Variants in ERC2 observed in about 807,000 individuals in gnomAD.
ERC2 encodes ELKS/RAB6-interacting/CAST family member 2, also known as ERC protein 2.
A neutral mutation model predicts 114.8 loss-of-function variants in ERC2; 42 were observed. That is an observed-to-expected ratio of 0.37 (90% CI 0.29 to 0.47). The LOEUF (loss-of-function observed/expected upper bound fraction) is 0.47. ERC2 is among the 20% of genes least tolerant of loss of function. The pLI is 0.99. For synonymous variants in ERC2, 454 were observed against 425.5 expected (o/e 1.07, Z -0.82); for missense variants, 939 against 1,150.7 (o/e 0.82, Z 2.66).
intron 7 of ERC2, among the ~76,000 whole-genome samples, chr3:56,052,137 T>C (rs1293530677): frequency 6.6e-6 from 1 of 152,138 alleles, no homozygotes; most frequent in Non-Finnish European, 1.5e-5. Context: ...TCCCAGCATG[T>C]CTCCAACCAA....
At chr3:56,441,988 C>A (rs955354685) in intron 1 of ERC2, among the ~76,000 whole-genome samples, 17 of 152,308 alleles carry the variant, frequency 1.1e-4, no homozygotes, top group Admixed American at 9.8e-4. Flanking sequence ...GCCTGGGCAA[C>A]AAAGTGAGAA....
At chr3:55,786,621 C>A (rs1230878367) in intron 14 of ERC2, among the ~76,000 whole-genome samples, 1 of 152,154 alleles carries the variant, frequency 6.6e-6, no homozygotes, top group African/African-American at 2.4e-5. Context: ...CTATTATTAT[C>A]CCCATTTAAC....
chr3:55,524,209 A>G (rs968578328), intron 17 of ERC2, among the ~76,000 whole-genome samples: 5 of 152,234 alleles, frequency 3.3e-5, no homozygotes, highest in Non-Finnish European at 7.4e-5. Flanking sequence ...AGAGCTGGGC[A>G]ATAGGACCAG....
intron 17 of ERC2, among the ~76,000 whole-genome samples, chr3:55,554,783 T>C (rs2055481396): frequency 6.6e-6 from 1 of 151,860 alleles, no homozygotes; most frequent in Admixed American, 6.6e-5. Context: ...GAGTTAGGGC[T>C]CAGCCTAGGG....
intron 3 of ERC2, among the ~76,000 whole-genome samples, chr3:56,269,609 G>A (rs191282714): frequency 9.2e-5 from 14 of 152,202 alleles, no homozygotes; most frequent in Admixed American, 3.9e-4. Flanking sequence ...CACCAAAAGT[G>A]GACATTAAAA....
In ERC2 at chr3:55,958,646, G is replaced by T. The variant is rs552866727; in HGVS notation, c.2268-8086C>A. 4.6e-5 allele frequency among the ~76,000 whole-genome samples: 7 copies of T among 152,336 alleles called. No homozygotes were observed. The South Asian group carries it at 1.4e-3, about 32-fold the overall frequency. On this transcript the variant is annotated intron_variant, in intron 12 of 17. Coordinates refer to ENST00000288221, the MANE Select transcript of ERC2 (RefSeq NM_015576.3). ...TCAGCACCCCTGGCCTCCCACCTGT[G>T]CTCGTCAGCACCCAAAGTCTAGAGA...
chr3:56,225,922 A>T (rs2050219622), intron 3 of ERC2, among the ~76,000 whole-genome samples: 1 of 152,270 alleles, frequency 6.6e-6, no homozygotes, highest in African/African-American at 2.4e-5. Flanking sequence ...ACATCCTCAG[A>T]ACCAACAATC....
intron 17 of ERC2, among the ~76,000 whole-genome samples, chr3:55,520,734 T>C (rs1348177015): frequency 6.6e-6 from 1 of 152,206 alleles, no homozygotes; most frequent in Non-Finnish European, 1.5e-5. Context: ...ATTATCTTCA[T>C]GATAATAAGC....
At chr3:56,423,330 T>C (rs2061452121) in intron 2 of ERC2, among the ~76,000 whole-genome samples, 2 of 152,268 alleles carry the variant, frequency 1.3e-5, no homozygotes, top group African/African-American at 2.4e-5. Context: ...CTCAACCTTG[T>C]ATCTACTGGC....
chr3:56,408,920 T>C lies in ERC2; in HGVS notation c.657+25431A>G, dbSNP rs185748148. 1.8e-3 allele frequency among the ~76,000 whole-genome samples: 276 copies of C among 152,330 alleles called. 1 individual carries two copies. Among genetic ancestry groups the C allele is most frequent in the African/African-American group, 6.5e-3 (270 of 41,578 alleles). On this transcript the variant is annotated intron_variant, in intron 2 of 17. Coordinates refer to ENST00000288221, the MANE Select transcript of ERC2 (RefSeq NM_015576.3). The stretch of plus-strand genomic sequence containing the variant: ...GCCTGAGGAACGCACGAGGCTGGCG[T>C]GGCCAGGAGTTGGGAGTGGTCAAGA...
At chr3:55,888,266 G>GTT in intron 14 of ERC2, 123 bp downstream of exon 14, 1 of 1,152,152 alleles carries the variant, frequency 8.7e-7, no homozygotes, top group Non-Finnish European at 1.2e-6. Flanking sequence ...GAAATGACCA[G>GTT]GCAAGTGTGA....
At chr3:56,259,070 T>C (rs2052728666) in intron 3 of ERC2, among the ~76,000 whole-genome samples, 1 of 151,126 alleles carries the variant, frequency 6.6e-6, no homozygotes, top group Non-Finnish European at 1.5e-5. Context: ...ACCTACCAGG[T>C]TCAAGTGATT....
At chr3:55,930,160 C>T (rs1308734276) in intron 13 of ERC2, among the ~76,000 whole-genome samples, 2 of 152,052 alleles carry the variant, frequency 1.3e-5, no homozygotes, top group Non-Finnish European at 2.9e-5. Flanking sequence ...AATTGCTTGA[C>T]CCTGGGAGGC....
chr3:55,852,152 G>A (rs939335595), intron 14 of ERC2, among the ~76,000 whole-genome samples: 5 of 152,082 alleles, frequency 3.3e-5, no homozygotes, highest in Admixed American at 1.3e-4. Context: ...CCCGGGAGGC[G>A]GAGGTGGCAG....
At chr3:56,432,322 T>G (rs1404966365) in intron 2 of ERC2, among the ~76,000 whole-genome samples, 1 of 152,322 alleles carries the variant, frequency 6.6e-6, no homozygotes, top group East Asian at 1.9e-4. Context: ...TTTCAAACTT[T>G]TTGTCCCTGC....
At chr3:55,655,694 C>T (rs1285860368) in intron 17 of ERC2, among the ~76,000 whole-genome samples, 3 of 152,144 alleles carry the variant, frequency 2.0e-5, no homozygotes, top group Admixed American at 1.3e-4. Context: ...CCTTCTTTCT[C>T]CAAGACTCCC....
At chr3:55,983,711 AC>A (rs1443192857) in intron 12 of ERC2, among the ~76,000 whole-genome samples, 2 of 152,162 alleles carry the variant, frequency 1.3e-5, no homozygotes, top group African/African-American at 4.8e-5. Context: ...TGCAGGGCAA[AC>A]CATAAACTAT....
intron 14 of ERC2, among the ~76,000 whole-genome samples, chr3:55,791,841 T>C (rs1055594341): frequency 1.3e-5 from 2 of 151,884 alleles, no homozygotes; most frequent in Non-Finnish European, 2.9e-5. Context: ...TATTTAACTG[T>C]TTTGTATTCT....
chr3:55,769,324 G>A (rs2068036855), intron 14 of ERC2, among the ~76,000 whole-genome samples: 1 of 152,026 alleles, frequency 6.6e-6, no homozygotes, highest in African/African-American at 2.4e-5. Context: ...GAACCAGCCT[G>A]GATTAAGAGC....
Sources: allele counts gnomAD v4.1 joint callset (sites outside exome capture counted in the v4.1 genomes callset), GRCh38; gene constraint gnomAD v4.1.1; transcripts MANE v1.5; gene names NCBI Gene and HGNC (gene_info 2026-07-23, HGNC 2026-07-21).